Variants in DOK6 observed in about 807,000 individuals in gnomAD.
The protein encoded by DOK6 is downstream of tyrosine kinase 6.
DOK6 carries 22 observed loss-of-function variants against 44.0 expected under a neutral mutation model. The ratio of observed to expected loss-of-function variants is 0.50; its 90% confidence interval spans 0.36 to 0.71. DOK6 has a LOEUF of 0.71. Among genes scored for constraint, DOK6 ranks in the 30% least tolerant of loss-of-function variants. DOK6 has a pLI of 0.00. For synonymous variants in DOK6, 166 were observed against 145.5 expected, an observed-to-expected ratio of 1.14 and a Z score of -1.01; for missense variants, 340 against 416.4, an observed-to-expected ratio of 0.82 and a Z score of 1.60.
At chr18:69,420,768 T>C (rs12961718) in intron 1 of DOK6, among the ~76,000 whole-genome samples, 50,279 of 152,032 alleles carry the variant, frequency 0.33, 8,523 homozygotes, top group Middle Eastern at 0.41. Flanking sequence ...TGACAGTGTA[T>C]TCCACCCTTA....
rs4020105 is a variant in DOK6, at chr18:69,841,963, C to CGT, written c.*597_*598dup. The CGT allele has an allele frequency of 0.013, 2,018 of 150,234 alleles. 30 individuals carry two copies. Among genetic ancestry groups the CGT allele is most frequent in the East Asian group, 0.06 (305 of 5,090 alleles). The allele number at this position is 150,234 out of a possible 1,614,324, so 9.3% of individuals were successfully genotyped here. The stretch of plus-strand genomic sequence containing the variant: ...GTAGCTCTACTCGTGTGTGTGTGTG[C>CGT]GTGTGTGTGTGTGTGTGTAGACAAA... On this transcript the variant is annotated 3_prime_UTR_variant, in exon 8 of 8. Transcript: ENST00000382713.
intron 1 of DOK6, among the ~76,000 whole-genome samples, chr18:69,483,359 A>G (rs191659438): frequency 6.6e-6 from 1 of 152,148 alleles, no homozygotes; most frequent in African/African-American, 2.4e-5. Flanking sequence ...CAAATCAGGA[A>G]TGAACTCTCA....
At chr18:69,467,917 C>T (rs1364432925) in intron 1 of DOK6, among the ~76,000 whole-genome samples, 3 of 151,990 alleles carry the variant, frequency 2.0e-5, no homozygotes. Context: ...TTATGATAGC[C>T]CCTGAATTGT....
At chr18:69,535,152 G>A (rs1982087244) in intron 1 of DOK6, among the ~76,000 whole-genome samples, 1 of 151,940 alleles carries the variant, frequency 6.6e-6, no homozygotes, top group Non-Finnish European at 1.5e-5. Context: ...TGGTATGAGG[G>A]GAACGAATGT....
chr18:69,401,422 C>A (rs1010124117), intron 1 of DOK6, 112 bp downstream of exon 1: 2 of 1,219,336 alleles, frequency 1.6e-6, no homozygotes, highest in African/African-American at 1.6e-5. Context: ...GAGAGGGACC[C>A]GGCCCTTAGG....
intron 1 of DOK6, among the ~76,000 whole-genome samples, chr18:69,431,697 A>C (rs1048099020): frequency 3.9e-5 from 6 of 152,136 alleles, no homozygotes; most frequent in African/African-American, 1.4e-4. Flanking sequence ...AATGTGTATG[A>C]TTTACAGATA....
intron 1 of DOK6, among the ~76,000 whole-genome samples, chr18:69,468,251 A>G (rs539760335): frequency 7.9e-5 from 12 of 152,272 alleles, no homozygotes; most frequent in African/African-American, 2.2e-4. Flanking sequence ...ATGAATACTT[A>G]TTTAACAAAT....
At chr18:69,701,900 G>A (rs138311663) in intron 5 of DOK6, among the ~76,000 whole-genome samples, 2,523 of 152,226 alleles carry the variant, frequency 0.017, 25 homozygotes, top group Middle Eastern at 0.044. Context: ...ACCTTCGTTG[G>A]TCAGGGATGC....
intron 2 of DOK6, among the ~76,000 whole-genome samples, chr18:69,580,067 G>A (rs1568302290): frequency 2.0e-5 from 3 of 152,136 alleles, no homozygotes; most frequent in East Asian, 3.9e-4. Flanking sequence ...GTTTTCTTTT[G>A]CTACATAATA....
At chr18:69,606,539 T>A (rs1363612635) in intron 3 of DOK6, among the ~76,000 whole-genome samples, 1 of 151,908 alleles carries the variant, frequency 6.6e-6, no homozygotes, top group Non-Finnish European at 1.5e-5. Flanking sequence ...CATAGCACTG[T>A]AAGTCCTACC....
At chr18:69,768,451 T>C (rs534029393) in intron 7 of DOK6, among the ~76,000 whole-genome samples, 3 of 151,868 alleles carry the variant, frequency 2.0e-5, no homozygotes, top group African/African-American at 7.2e-5. Flanking sequence ...AAGAAGAACC[T>C]AGAGGGAAAA....
intron 1 of DOK6, among the ~76,000 whole-genome samples, chr18:69,448,032 T>A (rs570025555): frequency 6.6e-6 from 1 of 152,334 alleles, no homozygotes; most frequent in Non-Finnish European, 1.5e-5. Context: ...AGTTCTTTGA[T>A]AATAGCAATT....
chr18:69,441,910 A>T (rs896010441), intron 1 of DOK6, among the ~76,000 whole-genome samples: 9 of 152,264 alleles, frequency 5.9e-5, no homozygotes, highest in Admixed American at 1.3e-4. Context: ...GAAAAGAAAA[A>T]AATGTTCAGG....
At chr18:69,720,069 G>A (rs1986972744) in intron 5 of DOK6, among the ~76,000 whole-genome samples, 1 of 152,084 alleles carries the variant, frequency 6.6e-6, no homozygotes, top group Non-Finnish European at 1.5e-5. Context: ...CACCCTTGTA[G>A]TCCCAGCCAC....
At chr18:69,785,869 G>T (rs958542144) in intron 7 of DOK6, among the ~76,000 whole-genome samples, 1 of 152,126 alleles carries the variant, frequency 6.6e-6, no homozygotes, top group Admixed American at 6.6e-5. Context: ...AATCAAATAT[G>T]ATTAAAATGC....
intron 1 of DOK6, among the ~76,000 whole-genome samples, chr18:69,527,336 G>T (rs1981858209): frequency 6.6e-6 from 1 of 152,166 alleles, no homozygotes; most frequent in South Asian, 2.1e-4. Flanking sequence ...GTTCTAAATG[G>T]CTAGGGAGGC....
chr18:69,412,034 T>C (rs1003265814), intron 1 of DOK6, among the ~76,000 whole-genome samples: 2 of 152,192 alleles, frequency 1.3e-5, no homozygotes, highest in Admixed American at 1.3e-4. Context: ...AATTATCATT[T>C]GGTTCATTTA....
intron 5 of DOK6, among the ~76,000 whole-genome samples, chr18:69,700,995 T>C (rs566149291): frequency 6.6e-6 from 1 of 152,256 alleles, no homozygotes; most frequent in African/African-American, 2.4e-5. Context: ...AATAGTAGTA[T>C]TAGTACAAAT....
intron 1 of DOK6, among the ~76,000 whole-genome samples, chr18:69,514,440 A>C (rs2144559114): frequency 6.6e-6 from 1 of 152,310 alleles, no homozygotes; most frequent in African/African-American, 2.4e-5. Flanking sequence ...TGAAAATTTT[A>C]ATAGGATATT....
Sources: allele counts gnomAD v4.1 joint callset (sites outside exome capture counted in the v4.1 genomes callset), GRCh38; gene constraint gnomAD v4.1.1; transcripts MANE v1.5; gene names NCBI Gene and HGNC (gene_info 2026-07-23, HGNC 2026-07-21).